Variants in JAZF1 observed in about 807,000 individuals in gnomAD.
JAZF1 encodes the protein JAZF zinc finger 1, also known as juxtaposed with another zinc finger protein 1.
JAZF1 carries 8 observed loss-of-function variants against 26.4 expected under a neutral mutation model. That is an observed-to-expected ratio of 0.30 (90% CI 0.18 to 0.55). JAZF1 has a LOEUF of 0.55. Ranked by LOEUF, JAZF1 falls within the 20% of genes least tolerant of loss-of-function variation. The pLI is 0.94. For missense variants in JAZF1, 199 were observed against 322.0 expected (o/e 0.62, Z 2.92); for synonymous variants, 126 against 122.3 (o/e 1.03, Z -0.20).
intron 1 of JAZF1, among the ~76,000 whole-genome samples, chr7:27,997,693 G>A (rs1452643819): frequency 1.3e-5 from 2 of 151,936 alleles, no homozygotes; most frequent in East Asian, 3.9e-4. Context: ...TCATCCTCCT[G>A]AGCAGATAGG....
At chr7:28,138,618 C>G (rs1782919869) in intron 1 of JAZF1, among the ~76,000 whole-genome samples, 1 of 152,202 alleles carries the variant, frequency 6.6e-6, no homozygotes, top group Non-Finnish European at 1.5e-5. Context: ...ATTTCTAAAT[C>G]CTAGTAGGCT....
chr7:28,021,999 A>T (rs537360761), intron 1 of JAZF1, among the ~76,000 whole-genome samples: 1 of 152,346 alleles, frequency 6.6e-6, no homozygotes, highest in East Asian at 1.9e-4. Flanking sequence ...TTAAATGAGA[A>T]AATGCAAGTG....
chr7:28,138,642 C>T (rs1782920218), intron 1 of JAZF1, among the ~76,000 whole-genome samples: 1 of 152,224 alleles, frequency 6.6e-6, no homozygotes, highest in Non-Finnish European at 1.5e-5. Flanking sequence ...CATCCTAACT[C>T]GCTCTGTGAA....
At chr7:27,973,813 T>A (rs1168603619) in intron 2 of JAZF1, among the ~76,000 whole-genome samples, 2 of 152,148 alleles carry the variant, frequency 1.3e-5, no homozygotes, top group Non-Finnish European at 2.9e-5. Context: ...AGACTGATGC[T>A]TTCTACAGCT....
intron 3 of JAZF1, among the ~76,000 whole-genome samples, chr7:27,880,410 G>A (rs768846318): frequency 2.6e-5 from 4 of 152,098 alleles, no homozygotes; most frequent in Non-Finnish European, 4.4e-5. Context: ...TGAGGTGGGC[G>A]GATCACGAGG....
chr7:27,919,910 T>C (rs1722788526), intron 2 of JAZF1, among the ~76,000 whole-genome samples: 1 of 152,182 alleles, frequency 6.6e-6, no homozygotes, highest in African/African-American at 2.4e-5. Context: ...ATCAACAACT[T>C]GTGGAGTTTA....
At chr7:27,845,858 G>A (rs150252844) in intron 3 of JAZF1, among the ~76,000 whole-genome samples, 152 of 152,150 alleles carry the variant, frequency 1.0e-3, no homozygotes, top group African/African-American at 3.5e-3. Flanking sequence ...TCACACCGTG[G>A]CCTGCACCCA....
In JAZF1 at chr7:28,180,790, T is replaced by TGCG. The variant is rs1371167581; in HGVS notation, c.-216_-214dup. 7 of 77,942 alleles carry TGCG rather than the reference T, an allele frequency of 9.0e-5. No individual in the cohort carries two copies. The highest frequency in any genetic ancestry group is 6.2e-4 in the East Asian group (2 of 3,248). The allele number at this position is 77,942 out of a possible 1,614,324, so 4.8% of individuals were successfully genotyped here. The stretch of plus-strand genomic sequence containing the variant: ...CGGGAGGCAGAGGGGAGGCGGCGGC[T>TGCG]GCGGCGGCGGCGTCGGGAGCGGCGG... On this transcript the variant is annotated 5_prime_UTR_variant, in exon 1 of 5. Transcript: ENST00000283928.
intron 1 of JAZF1, among the ~76,000 whole-genome samples, chr7:28,047,876 T>C (rs530169340): frequency 2.6e-5 from 4 of 152,190 alleles, no homozygotes; most frequent in Non-Finnish European, 4.4e-5. Context: ...ATTGATAAAT[T>C]AGATGGTTTC....
At chr7:28,046,238 T>C (rs918527941) in intron 1 of JAZF1, among the ~76,000 whole-genome samples, 1 of 152,198 alleles carries the variant, frequency 6.6e-6, no homozygotes, top group South Asian at 2.1e-4. Flanking sequence ...TTTTTACTGA[T>C]GGGCAAACTG....
chr7:28,129,752 AAAAC>A (rs1782758751), intron 1 of JAZF1, among the ~76,000 whole-genome samples: 1 of 152,222 alleles, frequency 6.6e-6, no homozygotes, highest in African/African-American at 2.4e-5. Context: ...AAAAGAAAGA[AAAAC>A]AAAAGGGAGA....
At chr7:27,919,926 T>C (rs1784502229) in intron 2 of JAZF1, among the ~76,000 whole-genome samples, 1 of 152,236 alleles carries the variant, frequency 6.6e-6, no homozygotes, top group Non-Finnish European at 1.5e-5. Flanking sequence ...GTTTACTCTG[T>C]GTGCAAGTTG....
chr7:28,041,764 G>A (rs1297928520), intron 1 of JAZF1, among the ~76,000 whole-genome samples: 3 of 152,170 alleles, frequency 2.0e-5, no homozygotes, highest in South Asian at 2.1e-4. Flanking sequence ...GTACGCAGCT[G>A]TCTGAGATAC....
chr7:28,034,369 G>A (rs756574481), intron 1 of JAZF1, among the ~76,000 whole-genome samples: 23 of 151,190 alleles, frequency 1.5e-4, no homozygotes, highest in Admixed American at 1.3e-3. Context: ...ACAGGGAGAA[G>A]AACAATTGGA....
chr7:28,097,619 C>T (rs1282854324), intron 1 of JAZF1, among the ~76,000 whole-genome samples: 2 of 152,168 alleles, frequency 1.3e-5, no homozygotes, highest in Non-Finnish European at 2.9e-5. Context: ...GCTGAAGGAG[C>T]TGGATATATA....
At chr7:27,964,960 C>T (rs1256699690) in intron 2 of JAZF1, among the ~76,000 whole-genome samples, 1 of 151,978 alleles carries the variant, frequency 6.6e-6, no homozygotes, top group Non-Finnish European at 1.5e-5. Flanking sequence ...AGTGTATGTT[C>T]GCATGTGTTT....
rs999042803 is a variant in JAZF1, at chr7:28,081,667, G to C, written c.116-89686C>G. Among the ~76,000 whole-genome samples, 7 of 152,190 alleles carry C rather than the reference G, an allele frequency of 4.6e-5. No homozygotes were observed. The South Asian group carries it at 1.5e-3, about 32-fold the overall frequency. ...CTCGACACCACCAGAGAGCGAAGTG[G>C]GACAAGACCCCAGGGAAGAATTTAA... is the stretch of plus-strand genomic sequence containing the variant. On this transcript the variant is annotated intron_variant, in intron 1 of 4. Transcript: ENST00000283928.
At chr7:27,889,019 C>T (rs1421517740) in intron 3 of JAZF1, among the ~76,000 whole-genome samples, 1 of 152,122 alleles carries the variant, frequency 6.6e-6, no homozygotes, top group African/African-American at 2.4e-5. Flanking sequence ...TAATCTTTCT[C>T]CAGACAACGT....
intron 2 of JAZF1, among the ~76,000 whole-genome samples, chr7:27,954,963 G>C (rs181586918): frequency 6.6e-6 from 1 of 152,236 alleles, no homozygotes; most frequent in Non-Finnish European, 1.5e-5. Flanking sequence ...TCTCCATGTT[G>C]GTCAAGCTGG....
Sources: gnomAD v4.1 joint callset for allele counts (sites outside exome capture counted in the v4.1 genomes callset) on GRCh38, gnomAD v4.1.1 for gene constraint, MANE v1.5 for transcripts, NCBI Gene and HGNC (gene_info 2026-07-23, HGNC 2026-07-21) for gene names.